PLOD2: variants seen among roughly 807,000 people sequenced by gnomAD.
PLOD2 encodes the protein lysine hydroxylase 2.
PLOD2 carries 65 observed loss-of-function variants against 101.0 expected under a neutral mutation model. The ratio of observed to expected loss-of-function variants is 0.64; its 90% CI spans 0.53 to 0.79. PLOD2 has a LOEUF of 0.79. Among genes scored for constraint, PLOD2 ranks in the 30% least tolerant of loss-of-function variants. The pLI is 0.00. For synonymous variants in PLOD2, 314 were observed against 302.9 expected, an observed-to-expected ratio of 1.04 and a Z score of -0.38; for missense variants, 909 against 914.6, an observed-to-expected ratio of 0.99 and a Z score of 0.08.
intron 7 of PLOD2, among the ~76,000 whole-genome samples, chr3:146,095,784 A>G (rs1937127441): frequency 6.6e-6 from 1 of 152,096 alleles, no homozygotes; most frequent in Non-Finnish European, 1.5e-5. Flanking sequence ...ACTATTTACA[A>G]TAGCAAAGAC....
intron 3 of PLOD2, among the ~76,000 whole-genome samples, chr3:146,120,664 C>A (rs1219464214): frequency 6.6e-6 from 1 of 152,172 alleles, no homozygotes; most frequent in Non-Finnish European, 1.5e-5. Context: ...AAAGAAACTA[C>A]CATCAGAGCG....
intron 1 of PLOD2, among the ~76,000 whole-genome samples, chr3:146,138,451 A>T (rs372882325): frequency 9.1e-4 from 138 of 152,286 alleles, no homozygotes; most frequent in African/African-American, 3.2e-3. Context: ...TGGATGACAT[A>T]ACCAAGTTTC....
intron 1 of PLOD2, among the ~76,000 whole-genome samples, chr3:146,130,413 C>A (rs970707559): frequency 6.6e-6 from 1 of 152,104 alleles, no homozygotes; most frequent in African/African-American, 2.4e-5. Context: ...TGAATAATCT[C>A]AAATTATGTG....
Position 146,155,327 on chromosome 3 carries a change from A to AT in PLOD2, c.109+5553dup, listed in dbSNP as rs1489382825. On this transcript the variant is annotated intron_variant, in intron 1 of 19. Transcript: ENST00000282903. ...CTACAGAGTGAGACCCTGTCTATAA[A>AT]TAAATTAATTAATTAATTAATTAAA... Among the ~76,000 whole-genome samples the AT allele has an allele frequency of 5.4e-3, 797 of 146,770 alleles. 6 individuals carry two copies. Among genetic ancestry groups the AT allele is most frequent in the African/African-American group, 0.018 (715 of 39,484 alleles).
chr3:146,105,422 T>C lies in PLOD2; in HGVS notation c.616-1080A>G, dbSNP rs560568486. On this transcript the variant is annotated intron_variant, in intron 5 of 19. Transcript: ENST00000282903. ...TCCTAAAAAGGATCACACCCATCCT[T>C]ACAGGCTCTATCCACTCTGGGCCAC... 1.8e-4 allele frequency among the ~76,000 whole-genome samples: 28 copies of C among 152,272 alleles called. No homozygotes were observed. The East Asian group carries it at 2.7e-3, about 15-fold the overall frequency.
chr3:146,122,328 C>T (rs2030217841), intron 2 of PLOD2, among the ~76,000 whole-genome samples: 1 of 152,190 alleles, frequency 6.6e-6, no homozygotes, highest in Non-Finnish European at 1.5e-5. Flanking sequence ...TTGGCCTCCT[C>T]TGGCCCTGAG....
intron 1 of PLOD2, among the ~76,000 whole-genome samples, chr3:146,148,613 T>C (rs2031911765): frequency 6.6e-6 from 1 of 152,190 alleles, no homozygotes; most frequent in Admixed American, 6.5e-5. Context: ...CATCCTCAAA[T>C]TCTTTGTAAT....
chr3:146,133,951 T>C (rs1014147750), intron 1 of PLOD2, among the ~76,000 whole-genome samples: 1 of 152,094 alleles, frequency 6.6e-6, no homozygotes, highest in Non-Finnish European at 1.5e-5. Context: ...TTATAAGAGC[T>C]TGGGATGCTA....
chr3:146,132,901 G>A lies in PLOD2; in HGVS notation c.110-8672C>T, dbSNP rs1260738167. ...TGAATTTTAAAATAAAAGCCTGGCT[G>A]GATCCGGTAGCTCATGCCTGTAATC... is the stretch of plus-strand genomic sequence containing the variant. On this transcript the variant is annotated intron_variant, in intron 1 of 19. Coordinates refer to ENST00000282903, the MANE Select transcript of PLOD2 (RefSeq NM_182943.3). Among the ~76,000 whole-genome samples the A allele has an allele frequency of 2.0e-5, 3 of 152,154 alleles. No individual in the cohort carries two copies. The East Asian group carries it at 5.8e-4, about 29-fold the overall frequency.
In PLOD2 at chr3:146,161,088, G is replaced by A. The variant is rs1439533257; in HGVS notation, c.-99C>T. Reference sequence around the variant, plus strand: ...AGACCCGGGTCCGCCCTGAGCCGCCGATTGCGGGCGGGAGCCGGCGGGCAA... The same window carrying A: ...AGACCCGGGTCCGCCCTGAGCCGCCAATTGCGGGCGGGAGCCGGCGGGCAA... On this transcript the variant is annotated 5_prime_UTR_variant, in exon 1 of 20. Coordinates refer to ENST00000282903, the MANE Select transcript of PLOD2 (RefSeq NM_182943.3). 2 of 724,732 alleles carry A rather than the reference G, an allele frequency of 2.8e-6. No homozygotes were observed. Among genetic ancestry groups the A allele is most frequent in the African/African-American group, 1.9e-5 (1 of 53,152 alleles). 44.9% of individuals were successfully genotyped at this position (724,732 alleles called of 1,614,324 possible). A position where few individuals can be genotyped will look rare whatever the true frequency, so the allele number is the denominator to read the frequency against.
chr3:146,154,313 A>AT (rs1430375875), intron 1 of PLOD2, among the ~76,000 whole-genome samples: 2 of 151,780 alleles, frequency 1.3e-5, no homozygotes, highest in African/African-American at 2.4e-5. Flanking sequence ...GATTTTTATT[A>AT]TAAATACAGT....
At chr3:146,072,276 A>G (rs76344866) in intron 17 of PLOD2, among the ~76,000 whole-genome samples, 103 of 35,780 alleles carry the variant, frequency 2.9e-3, no homozygotes, top group African/African-American at 0.012. Context: ...CTGTAAAGAC[A>G]TGTGTTACCT....
intron 12 of PLOD2, among the ~76,000 whole-genome samples, chr3:146,081,448 G>C (rs557591405): frequency 1.3e-3 from 194 of 152,168 alleles, no homozygotes; most frequent in Middle Eastern, 6.8e-3. Context: ...TTTAAATAAA[G>C]AGTATTACTC....
chr3:146,130,809 T>C (rs910435832), intron 1 of PLOD2, among the ~76,000 whole-genome samples: 1 of 152,028 alleles, frequency 6.6e-6, no homozygotes, highest in African/African-American at 2.4e-5. Context: ...AATCATTGAG[T>C]TTTATTATGT....
chr3:146,074,528 T>C (rs1936263610), intron 15 of PLOD2, among the ~76,000 whole-genome samples: 1 of 151,468 alleles, frequency 6.6e-6, no homozygotes, highest in African/African-American at 2.4e-5. Context: ...TTTTAATAAA[T>C]TTCATGTTTA....
At chr3:146,152,746 T>C (rs1226041631) in intron 1 of PLOD2, among the ~76,000 whole-genome samples, 5 of 152,214 alleles carry the variant, frequency 3.3e-5, no homozygotes. Context: ...TGCTCAGTTT[T>C]ATATATACAT....
At chr3:146,123,089 C>T (rs2030290300) in intron 2 of PLOD2, among the ~76,000 whole-genome samples, 1 of 152,072 alleles carries the variant, frequency 6.6e-6, no homozygotes, top group African/African-American at 2.4e-5. Context: ...TGTTTATTAG[C>T]TGTTCTATAT....
intron 1 of PLOD2, among the ~76,000 whole-genome samples, chr3:146,156,504 CT>C (rs1373867225): frequency 1.8e-4 from 28 of 152,148 alleles, no homozygotes; most frequent in African/African-American, 6.5e-4. Flanking sequence ...TATTATTCTC[CT>C]TTTGATATTT....
At chr3:146,143,583 C>A (rs1224060495) in intron 1 of PLOD2, among the ~76,000 whole-genome samples, 2 of 151,962 alleles carry the variant, frequency 1.3e-5, no homozygotes, top group African/African-American at 4.8e-5. Flanking sequence ...TCTACCCTGG[C>A]CATTGTCAAT....
Sources: allele counts gnomAD v4.1 joint callset (sites outside exome capture counted in the v4.1 genomes callset), GRCh38; gene constraint gnomAD v4.1.1; transcripts MANE v1.5; gene names NCBI Gene and HGNC (gene_info 2026-07-23, HGNC 2026-07-21).